Variants in FAAH observed in about 807,000 individuals in gnomAD.
FAAH encodes fatty-acid amide hydrolase 1.
FAAH carries 63 observed loss-of-function variants against 69.7 expected under a neutral mutation model. The ratio of observed to expected loss-of-function variants is 0.90; its 90% confidence interval spans 0.74 to 1.12. FAAH has a LOEUF of 1.12. Ranked by LOEUF, FAAH falls within the 50% of genes most tolerant of loss-of-function variation. The pLI, the probability that FAAH is intolerant of heterozygous loss-of-function variation, is 0.00. For synonymous variants in FAAH, 305 were observed against 324.2 expected (o/e 0.94, Z 0.64); for missense variants, 680 against 755.0 (o/e 0.90, Z 1.16).
Position 46,394,514 on chromosome 1 carries a change from G to T in FAAH, c.166G>T (p.Asp56Tyr). 1 of 1,390,042 alleles carries T rather than the reference G, an allele frequency of 7.2e-7. No homozygotes were observed. The highest frequency in any genetic ancestry group is 1.5e-5 in the African/African-American group (1 of 66,098). The allele number at this position is 1,390,042 out of a possible 1,614,324, so 86.1% of individuals were successfully genotyped here. Residue 56 changes from aspartate (D) to tyrosine (Y), a missense_variant, in exon 1 of 15, where the codon GAC becomes TAC. Asp to Tyr is a radical substitution (Grantham distance 160). Coordinates refer to ENST00000243167, the MANE Select transcript of FAAH (RefSeq NM_001441.3). ...QRQRAGLENMDRAAQRFRLQN... is the reference protein window; with the variant it reads ...QRQRAGLENMYRAAQRFRLQN... Reference sequence around the variant, plus strand: ...GCAGCGAGCGGGCCTGGAGAACATGGACAGGGCGGCGCAGCGCTTCCGGCT... The same window carrying T: ...GCAGCGAGCGGGCCTGGAGAACATGTACAGGGCGGCGCAGCGCTTCCGGCT...
At chr1:46,402,583 G>A (rs1664723041) in intron 2 of FAAH, among the ~76,000 whole-genome samples, 1 of 152,060 alleles carries the variant, frequency 6.6e-6, no homozygotes, top group Non-Finnish European at 1.5e-5. Flanking sequence ...CACAATCTTG[G>A]CGCACTGCAA....
At chr1:46,395,327 A>G (rs982083062) in intron 1 of FAAH, among the ~76,000 whole-genome samples, 1 of 152,240 alleles carries the variant, frequency 6.6e-6, no homozygotes, top group African/African-American at 2.4e-5. Flanking sequence ...AAGCCAGGCT[A>G]GAAGGGAAGT....
rs1043738526 is a variant in FAAH, at chr1:46,411,099, T to C, written c.1316+245T>C. ...GATGGGGGAGTTGGAGGGGAGGAGG[T>C]TGACCTGGCTGGGGCATGAGTGGAA... is the stretch of plus-strand genomic sequence containing the variant. On this transcript the variant is annotated intron_variant, in intron 11 of 14. Coordinates refer to ENST00000243167, the MANE Select transcript of FAAH (RefSeq NM_001441.3). The surrounding 1 kb of genome is among the most constrained non-coding windows in gnomAD (Gnocchi z 4.8). 7.3e-5 allele frequency among the ~76,000 whole-genome samples: 11 copies of C among 151,334 alleles called. No homozygotes were observed. Among genetic ancestry groups the C allele is most frequent in the Non-Finnish European group, 2.9e-5 (2 of 67,812 alleles).
Position 46,412,007 on chromosome 1 carries a change from G to A in FAAH, c.1357-136G>A, listed in dbSNP as rs965888706. On this transcript the variant is annotated intron_variant, in intron 12 of 14. Coordinates refer to ENST00000243167, the MANE Select transcript of FAAH (RefSeq NM_001441.3). ...GCAGCACTGCCTGCCCGGAGGACCT[G>A]TGTCCCACTGTGGCTCTGTTCAGAT... is the stretch of plus-strand genomic sequence containing the variant. 8.9e-6 allele frequency: 7 copies of A among 783,830 alleles called. No individual in the cohort carries two copies. In the Admixed American group the frequency reaches 1.4e-4, roughly 16 times the overall value. 48.6% of individuals were successfully genotyped at this position (783,830 alleles called of 1,614,324 possible).
chr1:46,402,287 G>A (rs1456628662), intron 2 of FAAH, 83 bp downstream of exon 2: 28 of 1,203,078 alleles, frequency 2.3e-5, no homozygotes, highest in Middle Eastern at 2.5e-4. Context: ...CCCTCTGTCC[G>A]CACAGGCTGT....
chr1:46,405,760 A>T lies in FAAH; in HGVS notation c.751A>T (p.Ile251Phe). Residue 251 changes from isoleucine to phenylalanine, a missense_variant, in exon 5 of 15, where the codon ATC (isoleucine) becomes TTC (phenylalanine). Physicochemically the swap from Ile to Phe is conservative, Grantham distance 21. Transcript: ENST00000243167. The surrounding 1 kb of genome is among the most constrained non-coding windows in gnomAD (Gnocchi z 4.1). ...CCGCTTCCCCTCCTCCTTCTGCGGC[A>T]TCTGCGGCCTCAAGCCCACAGGGAA... is the stretch of plus-strand genomic sequence containing the variant. Reference protein sequence around the residue: ...SIRFPSSFCGICGLKPTGNRL... With the variant: ...SIRFPSSFCGFCGLKPTGNRL... 1 of 1,613,432 alleles carries T rather than the reference A, an allele frequency of 6.2e-7. No individual in the cohort carries two copies. Among genetic ancestry groups the T allele is most frequent in the African/African-American group, 1.3e-5 (1 of 75,054 alleles).
intron 14 of FAAH, 80 bp from the exon 15 acceptor site, chr1:46,413,367 C>A (rs532643019): frequency 6.2e-7 from 1 of 1,611,564 alleles, no homozygotes; most frequent in South Asian, 1.1e-5. Flanking sequence ...TGTGGCCTCT[C>A]TCTAGCTGGG....
Position 46,394,555 on chromosome 1 carries a change from A to T in FAAH, c.195+12A>T, listed in dbSNP as rs1553179967. 2 of 1,344,566 alleles carry T rather than the reference A, an allele frequency of 1.5e-6. No homozygotes were observed. The highest frequency in any genetic ancestry group is 1.9e-6 in the Non-Finnish European group (2 of 1,055,476). 83.3% of individuals were successfully genotyped at this position (1,344,566 alleles called of 1,614,324 possible). A position where few individuals can be genotyped will look rare whatever the true frequency, so the allele number is the denominator to read the frequency against. On this transcript the variant is annotated intron_variant, in intron 1 of 14. Transcript: ENST00000243167. ...GCTTCCGGCTCCAGGTGACTGCCGG[A>T]GCGTAGTGGGATGGGCGCGGCCTGA...
At position 46,413,644 on chromosome 1, in the gene FAAH, C is replaced by T. The variant is rs2148454922; in HGVS notation, c.*69C>T. The T allele has an allele frequency of 6.2e-7, 1 of 1,607,338 alleles. No individual in the cohort carries two copies. The highest frequency in any genetic ancestry group is 1.1e-5 in the South Asian group (1 of 90,590). ...CCAGCCTAGTCAGGGCACAGCTGCC[C>T]TGCTGCCACAGCAAGGAAATGTCCT... On this transcript the variant is annotated 3_prime_UTR_variant, in exon 15 of 15. Coordinates refer to ENST00000243167, the MANE Select transcript of FAAH (RefSeq NM_001441.3).
chr1:46,394,488 G>A lies in FAAH; in HGVS notation c.140G>A (p.Arg47Lys). Residue 47 changes from arginine (R) to lysine (K), a missense_variant, in exon 1 of 15, where the codon AGG becomes AAG. By Grantham distance (26) the Arg-to-Lys change is conservative. Transcript: ENST00000243167. ...GGCGCGGTGGTCCGGGCGCGACAGA[G>A]GCAGCGAGCGGGCCTGGAGAACATG... ...ARGAVVRARQ[R>K]QRAGLENMDR... 7.2e-7 allele frequency: 1 copy of A among 1,396,910 alleles called. No homozygotes were observed. The allele number at this position is 1,396,910 out of a possible 1,614,324, so 86.5% of individuals were successfully genotyped here.
chr1:46,395,027 C>T (rs1664572875), intron 1 of FAAH, among the ~76,000 whole-genome samples: 1 of 152,162 alleles, frequency 6.6e-6, no homozygotes, highest in Non-Finnish European at 1.5e-5. Context: ...GCAACCTCCG[C>T]CTCCCGGGTG....
At chr1:46,406,691 T>C (rs989457089) in intron 7 of FAAH, among the ~76,000 whole-genome samples, 1 of 148,536 alleles carries the variant, frequency 6.7e-6, no homozygotes. Context: ...CACGCCATTC[T>C]CCTGGGTTCA....
At position 46,412,393 on chromosome 1, in the gene FAAH, A is replaced by T; in HGVS notation, c.1465+142A>T. On this transcript the variant is annotated intron_variant, in intron 13 of 14. Transcript: ENST00000243167. ...CTGGCTGACTGGAGACATGGCAGTC[A>T]TGTGGGTTGCCCTGGCAGGGATTGA... is the stretch of plus-strand genomic sequence containing the variant. 3 of 716,824 alleles carry T rather than the reference A, an allele frequency of 4.2e-6. No homozygotes were observed. In the Admixed American group the frequency reaches 6.3e-5, roughly 15 times the overall value. 44.4% of individuals were successfully genotyped at this position (716,824 alleles called of 1,614,324 possible).
Position 46,394,483 on chromosome 1 carries a change from A to T in FAAH, c.135A>T (p.Arg45=). 7.2e-7 allele frequency: 1 copy of T among 1,395,258 alleles called. No homozygotes were observed. Among genetic ancestry groups the T allele is most frequent in the Non-Finnish European group, 9.3e-7 (1 of 1,080,472 alleles). The allele number at this position is 1,395,258 out of a possible 1,614,324, so 86.4% of individuals were successfully genotyped here. ...RTARGAVVRA[R]QRQRAGLENM... ...CGCGGGGCGCGGTGGTCCGGGCGCGACAGAGGCAGCGAGCGGGCCTGGAGA... is the reference window on the plus strand; with the variant it reads ...CGCGGGGCGCGGTGGTCCGGGCGCGTCAGAGGCAGCGAGCGGGCCTGGAGA... Residue 45 remains arginine (R), a synonymous_variant, in exon 1 of 15, where the codon CGA becomes CGT. Transcript: ENST00000243167.
chr1:46,407,738 A>G (rs1267944331), intron 7 of FAAH, among the ~76,000 whole-genome samples: 2 of 152,160 alleles, frequency 1.3e-5, no homozygotes, highest in Admixed American at 1.3e-4. Flanking sequence ...CAGGAGCTGT[A>G]AAGTTAGATT....
rs755424671 is a variant in FAAH at position 46,405,678 on chromosome 1, C to G, written c.669C>G (p.Ala223=). Reference sequence around the variant, plus strand: ...GGGGCTCCTCAGGGGGTGAAGGGGCCCTCATCGGGTCTGGAGGCTCCCCCC... The same window carrying G: ...GGGGCTCCTCAGGGGGTGAAGGGGCGCTCATCGGGTCTGGAGGCTCCCCCC... ...SPGGSSGGEG[A]LIGSGGSPLG... is the part of the protein sequence containing the mutation. Residue 223 remains alanine (A), a synonymous_variant, in exon 5 of 15, where the codon GCC becomes GCG. Coordinates refer to ENST00000243167, the MANE Select transcript of FAAH (RefSeq NM_001441.3). This position sits in a 1 kb window ranked among gnomAD's most constrained non-coding sequence, Gnocchi z 4.1. 6.2e-7 allele frequency: 1 copy of G among 1,613,582 alleles called. No homozygotes were observed. The highest frequency in any genetic ancestry group is 1.7e-5 in the Admixed American group (1 of 60,032).
In FAAH at chr1:46,411,065, G is replaced by C. The variant is rs899674186; in HGVS notation, c.1316+211G>C. On this transcript the variant is annotated intron_variant, in intron 11 of 14. Coordinates refer to ENST00000243167, the MANE Select transcript of FAAH (RefSeq NM_001441.3). This position sits in a 1 kb window ranked among gnomAD's most constrained non-coding sequence, Gnocchi z 4.8. ...TGGCTGGAGAGCAAAGGCCTGAGGG[G>C]GACAAGAGGATGGGGGAGTTGGAGG... Among the ~76,000 whole-genome samples the C allele has an allele frequency of 6.6e-6, 1 of 152,102 alleles. No homozygotes were observed. Among genetic ancestry groups the C allele is most frequent in the East Asian group, 1.9e-4 (1 of 5,172 alleles).
Position 46,410,252 on chromosome 1 carries a change from G to A in FAAH, c.1176-146G>A, listed in dbSNP as rs553990141. On this transcript the variant is annotated intron_variant, in intron 9 of 14. Transcript: ENST00000243167. This position sits in a 1 kb window ranked among gnomAD's most constrained non-coding sequence, Gnocchi z 4.9. Reference sequence around the variant, plus strand: ...TCCCAAAGGATCAGCAGAAACAAACGGCATGTTTGGAAGGAGGGAGCTGAG... The same window carrying A: ...TCCCAAAGGATCAGCAGAAACAAACAGCATGTTTGGAAGGAGGGAGCTGAG... 29 of 742,440 alleles carry A rather than the reference G, an allele frequency of 3.9e-5. No individual in the cohort carries two copies. Among genetic ancestry groups the A allele is most frequent in the Middle Eastern group, 2.4e-4 (1 of 4,186 alleles). 46.0% of individuals were successfully genotyped at this position (742,440 alleles called of 1,614,324 possible).
Position 46,410,479 on chromosome 1 carries a change from C to G in FAAH, c.1257C>G (p.Ala419=). 1 of 1,614,070 alleles carries G rather than the reference C, an allele frequency of 6.2e-7. No homozygotes were observed. The highest frequency in any genetic ancestry group is 8.5e-7 in the Non-Finnish European group (1 of 1,179,952). ...CCCAATGGCTTAAAGGACTGCTGGC[C>G]TTCCTGGTGAAGCCTCTGGTGAGGG... is the stretch of plus-strand genomic sequence containing the variant. ...KLPQWLKGLL[A]FLVKPLLPRL... is the part of the protein sequence containing the mutation. The change falls in exon 10 of 15, where the codon GCC becomes GCG. Residue 419 remains alanine, a synonymous_variant. Transcript: ENST00000243167. The surrounding 1 kb of genome is among the most constrained non-coding windows in gnomAD (Gnocchi z 4.9).
Sources: gnomAD v4.1 joint callset for allele counts (sites outside exome capture counted in the v4.1 genomes callset) on GRCh38, gnomAD v4.1.1 for gene constraint, Gnocchi (gnomAD v3.1) non-coding constraint, MANE v1.5 for transcripts, NCBI Gene and HGNC (gene_info 2026-07-23, HGNC 2026-07-21) for gene names.